Variants in NIPAL2 observed in about 807,000 individuals in gnomAD.
NIPAL2 encodes NIPA-like protein 2.
A neutral mutation model predicts 48.9 loss-of-function variants in NIPAL2; 43 were observed. The ratio of observed to expected loss-of-function variants is 0.88; its 90% CI spans 0.69 to 1.13. The LOEUF (loss-of-function observed/expected upper bound fraction) is 1.13. Ranked by LOEUF, NIPAL2 falls within the 50% of genes most tolerant of loss-of-function variation. The pLI is 0.00. For missense variants in NIPAL2, 446 were observed against 461.4 expected, an observed-to-expected ratio of 0.97 and a Z score of 0.31; for synonymous variants, 167 against 174.6, an observed-to-expected ratio of 0.96 and a Z score of 0.34.
intron 3 of NIPAL2, among the ~76,000 whole-genome samples, chr8:98,240,581 C>T (rs897213002): frequency 2.0e-5 from 3 of 152,036 alleles, no homozygotes; most frequent in African/African-American, 7.2e-5. Context: ...TATCTTGGGG[C>T]CGATATATAA....
intron 4 of NIPAL2, among the ~76,000 whole-genome samples, chr8:98,225,397 A>G (rs1452334427): frequency 2.6e-5 from 4 of 152,218 alleles, no homozygotes; most frequent in African/African-American, 9.6e-5. Context: ...TAAAAGTGGT[A>G]TGAAACGTCA....
chr8:98,223,713 A>G (rs1812013739), intron 4 of NIPAL2, among the ~76,000 whole-genome samples: 1 of 152,224 alleles, frequency 6.6e-6, no homozygotes, highest in Admixed American at 6.5e-5. Flanking sequence ...ACAGCAATTC[A>G]GGGTATCGTA....
chr8:98,254,404 T>C (rs1813761527), intron 1 of NIPAL2, among the ~76,000 whole-genome samples: 1 of 152,212 alleles, frequency 6.6e-6, no homozygotes, highest in African/African-American at 2.4e-5. Flanking sequence ...GTATCCTTTC[T>C]TTTTATTTTC....
intron 4 of NIPAL2, 92 bp from the exon 5 acceptor site, chr8:98,222,692 A>G: frequency 1.5e-6 from 2 of 1,292,026 alleles, no homozygotes; most frequent in Non-Finnish European, 2.2e-6. Context: ...CATTACTTGT[A>G]AAAGTGCCAA....
At chr8:98,285,489 C>T (rs1254324680) in intron 1 of NIPAL2, among the ~76,000 whole-genome samples, 1 of 152,128 alleles carries the variant, frequency 6.6e-6, no homozygotes, top group African/African-American at 2.4e-5. Flanking sequence ...GAAAGTCAAG[C>T]TCTTTCTTCC....
At chr8:98,197,114 G>T (rs1810587907) in intron 8 of NIPAL2, among the ~76,000 whole-genome samples, 1 of 147,424 alleles carries the variant, frequency 6.8e-6, no homozygotes. Context: ...CTTCAGTAAA[G>T]CAGCAATGTA....
chr8:98,260,108 AG>A (rs897947277), intron 1 of NIPAL2, among the ~76,000 whole-genome samples: 35 of 152,266 alleles, frequency 2.3e-4, no homozygotes, highest in African/African-American at 8.2e-4. Context: ...TATTTTGCTG[AG>A]GGTTACCATG....
intron 4 of NIPAL2, among the ~76,000 whole-genome samples, chr8:98,235,841 TATA>T (rs1348316007): frequency 3.3e-5 from 5 of 151,566 alleles, no homozygotes; most frequent in South Asian, 4.1e-4. Context: ...TTCAGTGCAT[TATA>T]ATAATATAAT....
intron 8 of NIPAL2, among the ~76,000 whole-genome samples, chr8:98,197,469 TTAAGA>T (rs1810604087): frequency 6.6e-6 from 1 of 152,336 alleles, no homozygotes; most frequent in East Asian, 1.9e-4. Context: ...TGGCAACTTC[TTAAGA>T]TAAGACAATA....
intron 1 of NIPAL2, among the ~76,000 whole-genome samples, chr8:98,260,287 G>T (rs1430729695): frequency 6.6e-6 from 1 of 152,162 alleles, no homozygotes; most frequent in African/African-American, 2.4e-5. Flanking sequence ...CAAGATGGCC[G>T]AATAGGAACA....
At chr8:98,283,336 C>CT (rs2130906745) in intron 1 of NIPAL2, among the ~76,000 whole-genome samples, 1 of 152,230 alleles carries the variant, frequency 6.6e-6, no homozygotes, top group South Asian at 2.1e-4. Context: ...CCTTTGAGGG[C>CT]TTTTAACACT....
intron 1 of NIPAL2, among the ~76,000 whole-genome samples, chr8:98,286,264 T>A (rs1816150991): frequency 6.6e-6 from 1 of 152,112 alleles, no homozygotes; most frequent in Admixed American, 6.5e-5. Context: ...GTCTGTGGTA[T>A]ACTATTATAG....
intron 8 of NIPAL2, among the ~76,000 whole-genome samples, chr8:98,200,607 CT>C (rs1386272742): frequency 6.6e-6 from 1 of 152,158 alleles, no homozygotes; most frequent in African/African-American, 2.4e-5. Flanking sequence ...ATACAAATGT[CT>C]TTTCAAGACC....
At chr8:98,209,786 T>C (rs1811223889) in intron 6 of NIPAL2, among the ~76,000 whole-genome samples, 1 of 152,176 alleles carries the variant, frequency 6.6e-6, no homozygotes, top group South Asian at 2.1e-4. Context: ...CATCTGATTA[T>C]GTTTTCTAAA....
In NIPAL2 at chr8:98,236,144, T is replaced by C; in HGVS notation, c.436+11A>G. The stretch of plus-strand genomic sequence containing the variant: ...CAATGCTACAATTACATGAATTAAA[T>C]AATTACTTACCGAGTAAGTCTGAGG... On this transcript the variant is annotated intron_variant, in intron 4 of 10. Transcript: ENST00000430223. 1 of 1,535,078 alleles carries C rather than the reference T, an allele frequency of 6.5e-7. No homozygotes were observed. Among genetic ancestry groups the C allele is most frequent in the Middle Eastern group, 1.8e-4 (1 of 5,672 alleles).
intron 6 of NIPAL2, among the ~76,000 whole-genome samples, chr8:98,209,029 G>A (rs1039348537): frequency 3.9e-5 from 6 of 152,092 alleles, no homozygotes; most frequent in East Asian, 1.9e-4. Flanking sequence ...TAATGAGAAC[G>A]CTTCTGGTAT....
At position 98,272,300 on chromosome 8, in the gene NIPAL2, G is replaced by A. The variant is rs190003425; in HGVS notation, c.136-18213C>T. The stretch of plus-strand genomic sequence containing the variant: ...CTAAATGAAGATCATCAAGAGCGGA[G>A]GTTTTGTCCTGTTTTCATTCCTTAC... On this transcript the variant is annotated intron_variant, in intron 1 of 10. Transcript: ENST00000430223. Among the ~76,000 whole-genome samples the A allele has an allele frequency of 3.2e-3, 488 of 152,198 alleles. 1 individual carries two copies. The highest frequency in any genetic ancestry group is 0.011 in the African/African-American group (455 of 41,542).
intron 4 of NIPAL2, among the ~76,000 whole-genome samples, chr8:98,232,397 G>A (rs930913673): frequency 1.3e-5 from 2 of 152,162 alleles, no homozygotes; most frequent in Admixed American, 6.5e-5. Context: ...AAGGTTACCT[G>A]GATTACTAAA....
intron 3 of NIPAL2, among the ~76,000 whole-genome samples, chr8:98,246,559 T>C (rs1005347690): frequency 6.6e-6 from 1 of 152,176 alleles, no homozygotes; most frequent in Non-Finnish European, 1.5e-5. Context: ...CCAAAGTCAA[T>C]CTATTTATTA....
Sources: gnomAD v4.1 joint callset for allele counts (sites outside exome capture counted in the v4.1 genomes callset) on GRCh38, gnomAD v4.1.1 for gene constraint, MANE v1.5 for transcripts, NCBI Gene and HGNC (gene_info 2026-07-23, HGNC 2026-07-21) for gene names.